The following C12orf42 variants were observed in gnomAD, a reference collection of about 807,000 sequenced individuals.
C12orf42 encodes the protein uncharacterized protein C12orf42.
A neutral mutation model predicts 21.6 loss-of-function variants in C12orf42; 25 were observed. The observed-to-expected ratio is 1.16, with a 90% CI of 0.84 to 1.62. The LOEUF (loss-of-function observed/expected upper bound fraction) is 1.62. Among genes scored for constraint, C12orf42 ranks in the 40% most tolerant of loss-of-function variants. The pLI, the probability that C12orf42 is intolerant of heterozygous loss-of-function variation, is 0.00. For missense variants in C12orf42, 483 were observed against 459.3 expected (o/e 1.05, Z -0.47); for synonymous variants, 174 against 175.0 (o/e 0.99, Z 0.05).
chr12:103,466,152 C>T (rs1178096189), intron 2 of C12orf42, among the ~76,000 whole-genome samples: 1 of 152,068 alleles, frequency 6.6e-6, no homozygotes, highest in Non-Finnish European at 1.5e-5. Flanking sequence ...TTCAGTTGTT[C>T]GGAATAGTTT....
chr12:103,387,883 A>ATTCCC (rs1322568636), intron 3 of C12orf42, among the ~76,000 whole-genome samples: 1 of 151,992 alleles, frequency 6.6e-6, no homozygotes. Flanking sequence ...TCTAACTGAT[A>ATTCCC]TTCCCTTCCC....
chr12:103,160,978 A>G, the C12orf42 span, among the ~76,000 whole-genome samples: 1 of 152,230 alleles, frequency 6.6e-6, no homozygotes, highest in Non-Finnish European at 1.5e-5. Flanking sequence ...TTATTGAGCT[A>G]TTTTGAAGAC....
the C12orf42 span, among the ~76,000 whole-genome samples, chr12:103,554,295 A>G: frequency 2.0e-5 from 3 of 152,080 alleles, no homozygotes; most frequent in Non-Finnish European, 4.4e-5. Flanking sequence ...AGAAAAGGGG[A>G]AAAACTGAAA....
chr12:103,421,461 A>G (rs2049894187), intron 2 of C12orf42, among the ~76,000 whole-genome samples: 3 of 152,044 alleles, frequency 2.0e-5, no homozygotes, highest in South Asian at 2.1e-4. Flanking sequence ...GTGGTCCCAG[A>G]TACTTAGGAG....
At chr12:103,112,600 G>A in the C12orf42 span, among the ~76,000 whole-genome samples, 1 of 152,182 alleles carries the variant, frequency 6.6e-6, no homozygotes, top group Non-Finnish European at 1.5e-5. Flanking sequence ...GGCAGAGGTT[G>A]CAGTGAACCG....
At chr12:103,393,689 C>T (rs1264590835) in intron 3 of C12orf42, among the ~76,000 whole-genome samples, 1 of 152,152 alleles carries the variant, frequency 6.6e-6, no homozygotes, top group Non-Finnish European at 1.5e-5. Context: ...TTTTTGTTCA[C>T]TGCTATATGC....
the C12orf42 span, among the ~76,000 whole-genome samples, chr12:103,510,293 G>T: frequency 1.3e-5 from 2 of 152,168 alleles, no homozygotes; most frequent in African/African-American, 4.8e-5. Flanking sequence ...ACTCATAGTT[G>T]GGAGCTAAGC....
intron 2 of C12orf42, among the ~76,000 whole-genome samples, chr12:103,425,745 T>C (rs922040408): frequency 2.7e-5 from 4 of 150,294 alleles, no homozygotes; most frequent in Non-Finnish European, 5.9e-5. Context: ...GAGATGGGAT[T>C]TTTATCTATA....
At chr12:103,371,251 GA>G (rs1406898694) in intron 3 of C12orf42, among the ~76,000 whole-genome samples, 1 of 152,020 alleles carries the variant, frequency 6.6e-6, no homozygotes, top group Non-Finnish European at 1.5e-5. Context: ...CCTCAAACCA[GA>G]AAAAAAGCTA....
intron 5 of C12orf42, chr12:103,269,987 A>G (rs1018145696): frequency 8.5e-5 from 13 of 152,174 alleles, no homozygotes; most frequent in African/African-American, 3.1e-4. Context: ...GAACATGTGT[A>G]TGGTAATATA....
chr12:103,078,107 T>G, the C12orf42 span, among the ~76,000 whole-genome samples: 157 of 152,322 alleles, frequency 1.0e-3, no homozygotes, highest in African/African-American at 3.7e-3. Flanking sequence ...ATTATATGGA[T>G]CTTCATTTAA....
the C12orf42 span, among the ~76,000 whole-genome samples, chr12:103,100,588 T>C: frequency 6.6e-6 from 1 of 152,194 alleles, no homozygotes; most frequent in Non-Finnish European, 1.5e-5. Flanking sequence ...ATGAATGCCT[T>C]CCCCTGTTGC....
chr12:103,347,135 G>A (rs547284363), intron 4 of C12orf42, among the ~76,000 whole-genome samples: 2 of 152,186 alleles, frequency 1.3e-5, no homozygotes, highest in East Asian at 3.9e-4. Flanking sequence ...GTATACATGT[G>A]CCATGGTGGT....
At chr12:103,264,013 T>C (rs913102083), downstream of C12orf42, among the ~76,000 whole-genome samples, 1 of 152,188 alleles carries the variant, frequency 6.6e-6, no homozygotes, top group Non-Finnish European at 1.5e-5. Context: ...ATTTCCTCTC[T>C]GTTTTTTACC....
the C12orf42 span, among the ~76,000 whole-genome samples, chr12:103,511,327 TTTATA>T: frequency 1.3e-5 from 2 of 150,776 alleles, no homozygotes; most frequent in East Asian, 3.9e-4. Context: ...TCATATATTT[TTTATA>T]TATTTGATAA....
At chr12:103,545,687 C>T in the C12orf42 span, among the ~76,000 whole-genome samples, 18 of 152,174 alleles carry the variant, frequency 1.2e-4, no homozygotes, top group African/African-American at 4.1e-4. Flanking sequence ...CCCAATGATC[C>T]TCCACCGGTC....
At chr12:103,290,007 T>C (rs1337850428) in intron 4 of C12orf42, among the ~76,000 whole-genome samples, 1 of 152,174 alleles carries the variant, frequency 6.6e-6, no homozygotes, top group African/African-American at 2.4e-5. Flanking sequence ...CCTGCACTAA[T>C]GCCTGCCTCC....
intron 4 of C12orf42, among the ~76,000 whole-genome samples, chr12:103,287,955 C>T (rs924684217): frequency 2.0e-5 from 3 of 152,154 alleles, no homozygotes; most frequent in Non-Finnish European, 1.5e-5. Context: ...GGCCACTTGC[C>T]TCCCTATTTC....
chr12:103,474,197 C>T (rs929460744), intron 2 of C12orf42, among the ~76,000 whole-genome samples: 3 of 151,886 alleles, frequency 2.0e-5, no homozygotes, highest in Non-Finnish European at 4.4e-5. Flanking sequence ...GCCCTAAGCT[C>T]TAGGAAGGCA....
Sources: gnomAD v4.1 joint callset for allele counts (sites outside exome capture counted in the v4.1 genomes callset) on GRCh38, gnomAD v4.1.1 for gene constraint, MANE v1.5 for transcripts, NCBI Gene and HGNC (gene_info 2026-07-23, HGNC 2026-07-21) for gene names.